Variants in ARHGAP32 observed in about 807,000 individuals in gnomAD.
ARHGAP32 encodes the protein rho GTPase-activating protein 32.
A neutral mutation model predicts 186.5 loss-of-function variants in ARHGAP32; 51 were observed. The ratio of observed to expected loss-of-function variants is 0.27; its 90% CI spans 0.22 to 0.35. The LOEUF (loss-of-function observed/expected upper bound fraction) is 0.35, where lower values mean the gene tolerates loss of function less well. Among genes scored for constraint, ARHGAP32 ranks in the 10% least tolerant of loss-of-function variants. The pLI is 1.00. For synonymous variants in ARHGAP32, 950 were observed against 964.3 expected (o/e 0.99, Z 0.27); for missense variants, 2,186 against 2,623.5 (o/e 0.83, Z 3.64).
At chr11:129,053,370 T>A (rs1760037187) in intron 10 of ARHGAP32, among the ~76,000 whole-genome samples, 1 of 152,164 alleles carries the variant, frequency 6.6e-6, no homozygotes, top group Admixed American at 6.5e-5. Flanking sequence ...TACCACGTAC[T>A]TACTGTCTTT....
At chr11:129,171,798 A>C (rs1035889471) in intron 1 of ARHGAP32, among the ~76,000 whole-genome samples, 4 of 152,226 alleles carry the variant, frequency 2.6e-5, no homozygotes, top group Non-Finnish European at 4.4e-5. Flanking sequence ...CTTCCCAACC[A>C]TGAAGAAGGA....
At chr11:128,985,368 A>C (rs1945834414) in intron 15 of ARHGAP32, among the ~76,000 whole-genome samples, 1 of 152,206 alleles carries the variant, frequency 6.6e-6, no homozygotes, top group African/African-American at 2.4e-5. Context: ...TTTTGAAAAA[A>C]AAAATTAAAT....
intron 1 of ARHGAP32, among the ~76,000 whole-genome samples, chr11:129,169,396 C>T (rs1032786602): frequency 3.3e-5 from 5 of 152,060 alleles, no homozygotes; most frequent in African/African-American, 9.7e-5. Context: ...CTTTGGGAGG[C>T]TGAGGCGGGT....
chr11:129,191,354 C>T (rs1944266350), intron 1 of ARHGAP32, among the ~76,000 whole-genome samples: 1 of 152,132 alleles, frequency 6.6e-6, no homozygotes, highest in South Asian at 2.1e-4. Context: ...ATAAAGCCCC[C>T]TAAAATTTGC....
At chr11:129,169,442 T>A (rs1373873133) in intron 1 of ARHGAP32, among the ~76,000 whole-genome samples, 2 of 151,752 alleles carry the variant, frequency 1.3e-5, no homozygotes, top group East Asian at 3.9e-4. Flanking sequence ...CCATCCTGCC[T>A]AATACGGTGA....
intron 6 of ARHGAP32, among the ~76,000 whole-genome samples, chr11:129,083,199 A>G (rs918712561): frequency 1.6e-4 from 24 of 152,250 alleles, no homozygotes; most frequent in African/African-American, 5.3e-4. Context: ...AATTAAAAGT[A>G]GATCTACCTT....
chr11:129,266,986 T>C (rs1216314962), intron 1 of ARHGAP32, among the ~76,000 whole-genome samples: 1 of 152,076 alleles, frequency 6.6e-6, no homozygotes, highest in African/African-American at 2.4e-5. Context: ...GTTTGGAGGG[T>C]GTACAGGCTG....
chr11:129,106,630 T>C (rs1416258967), intron 5 of ARHGAP32, among the ~76,000 whole-genome samples: 1 of 152,108 alleles, frequency 6.6e-6, no homozygotes, highest in African/African-American at 2.4e-5. Context: ...CATCACACAA[T>C]ATACCCAGGT....
At chr11:129,013,318 G>A (rs572333001) in intron 11 of ARHGAP32, among the ~76,000 whole-genome samples, 4 of 152,290 alleles carry the variant, frequency 2.6e-5, no homozygotes, top group Admixed American at 6.5e-5. Context: ...ACATTGCTAC[G>A]TAGATTAGAA....
chr11:129,137,812 A>G (rs576569806), intron 2 of ARHGAP32, among the ~76,000 whole-genome samples: 160 of 152,148 alleles, frequency 1.1e-3, no homozygotes, highest in Admixed American at 1.6e-3. Flanking sequence ...TGATTATGGC[A>G]CAGCATATAG....
intron 6 of ARHGAP32, among the ~76,000 whole-genome samples, chr11:129,074,984 C>G (rs963100126): frequency 1.8e-4 from 27 of 151,958 alleles, no homozygotes; most frequent in African/African-American, 5.3e-4. Flanking sequence ...ATACACATAT[C>G]AAAATATCAC....
chr11:129,132,764 C>A (rs1942841121), intron 2 of ARHGAP32, among the ~76,000 whole-genome samples: 1 of 152,102 alleles, frequency 6.6e-6, no homozygotes, highest in South Asian at 2.1e-4. Context: ...AATGTCAAAT[C>A]TGAAATGAAA....
At chr11:128,999,477 T>C (rs1591518147) in intron 11 of ARHGAP32, among the ~76,000 whole-genome samples, 1 of 152,178 alleles carries the variant, frequency 6.6e-6, no homozygotes, top group Non-Finnish European at 1.5e-5. Flanking sequence ...ATTTGCCTTG[T>C]GATGTTTTAT....
chr11:129,033,478 G>C (rs553211801), intron 11 of ARHGAP32, among the ~76,000 whole-genome samples: 1 of 152,072 alleles, frequency 6.6e-6, no homozygotes, highest in Non-Finnish European at 1.5e-5. Context: ...ATAAGGCTTC[G>C]ATCTGCATTT....
chr11:129,073,237 C>T (rs577343380), intron 6 of ARHGAP32, among the ~76,000 whole-genome samples: 3 of 151,990 alleles, frequency 2.0e-5, no homozygotes, highest in Non-Finnish European at 4.4e-5. Context: ...AAAAAAACAC[C>T]GTTTAAAAAG....
intron 2 of ARHGAP32, among the ~76,000 whole-genome samples, chr11:129,151,686 T>C (rs1184743539): frequency 1.3e-5 from 2 of 152,074 alleles, no homozygotes; most frequent in Non-Finnish European, 2.9e-5. Flanking sequence ...AATACTGACA[T>C]AACTTGTCAA....
intron 11 of ARHGAP32, among the ~76,000 whole-genome samples, chr11:129,006,878 C>A (rs1471145818): frequency 6.6e-6 from 1 of 152,206 alleles, no homozygotes. Context: ...GGACTGCAGT[C>A]AAAAGCTTCA....
intron 15 of ARHGAP32, among the ~76,000 whole-genome samples, chr11:128,983,109 C>A (rs1655565974): frequency 6.6e-6 from 1 of 152,056 alleles, no homozygotes; most frequent in African/African-American, 2.4e-5. Flanking sequence ...TCATTTAATT[C>A]TCATAATAGC....
At chr11:129,108,206 G>A (rs572401915) in intron 5 of ARHGAP32, among the ~76,000 whole-genome samples, 1 of 152,102 alleles carries the variant, frequency 6.6e-6, no homozygotes, top group Admixed American at 6.5e-5. Context: ...GGCAGAGATG[G>A]AGAACAGATT....
Sources: allele counts gnomAD v4.1 joint callset (sites outside exome capture counted in the v4.1 genomes callset), GRCh38; gene constraint gnomAD v4.1.1; transcripts MANE v1.5; gene names NCBI Gene and HGNC (gene_info 2026-07-23, HGNC 2026-07-21).